The following SLC24A2 variants were observed in gnomAD, a reference collection of about 807,000 sequenced individuals.
SLC24A2 encodes solute carrier family 24 member 2.
A neutral mutation model predicts 62.0 loss-of-function variants in SLC24A2; 36 were observed. That is an observed-to-expected ratio of 0.58 (90% CI 0.44 to 0.77). SLC24A2 has a LOEUF of 0.77. Among genes scored for constraint, SLC24A2 ranks in the 30% least tolerant of loss-of-function variants. SLC24A2 has a pLI of 0.00. For missense variants in SLC24A2, 846 were observed against 817.9 expected, an observed-to-expected ratio of 1.03 and a Z score of -0.42; for synonymous variants, 358 against 294.0, an observed-to-expected ratio of 1.22 and a Z score of -2.23.
At chr9:20,020,915 A>G in the SLC24A2 span, among the ~76,000 whole-genome samples, 1 of 152,214 alleles carries the variant, frequency 6.6e-6, no homozygotes, top group Non-Finnish European at 1.5e-5. Flanking sequence ...GATATATGAA[A>G]GAGTTCCCAT....
At chr9:19,782,825 A>C (rs532787546) in intron 2 of SLC24A2, among the ~76,000 whole-genome samples, 3 of 152,144 alleles carry the variant, frequency 2.0e-5, no homozygotes, top group Admixed American at 6.5e-5. Context: ...CTCATTTTCC[A>C]ATTAGGAAAC....
At chr9:19,941,524 G>T in the SLC24A2 span, among the ~76,000 whole-genome samples, 11 of 149,644 alleles carry the variant, frequency 7.4e-5, no homozygotes, top group Non-Finnish European at 1.3e-4. Flanking sequence ...AAAGCCACCA[G>T]ATTTATTTAC....
At chr9:20,093,749 T>C in the SLC24A2 span, among the ~76,000 whole-genome samples, 1 of 152,194 alleles carries the variant, frequency 6.6e-6, no homozygotes, top group East Asian at 1.9e-4. Flanking sequence ...AGACCTAGTA[T>C]TGCTAGCACA....
the SLC24A2 span, among the ~76,000 whole-genome samples, chr9:20,272,263 T>A: frequency 6.6e-6 from 1 of 152,324 alleles, no homozygotes; most frequent in South Asian, 2.1e-4. Context: ...CTCAGTAGTA[T>A]AGCAAACATC....
rs1836781431 is a variant in SLC24A2, at chr9:19,599,183, A to G, written c.1079-1904T>C. ...ATCTCTTGCAGAATCAGGTATAAAT[A>G]AATACATTCATATTGTTTAATTATC... On this transcript the variant is annotated intron_variant, in intron 4 of 10. Transcript: ENST00000341998. This position sits in a 1 kb window ranked among gnomAD's most constrained non-coding sequence, Gnocchi z 4.5. Among the ~76,000 whole-genome samples the G allele has an allele frequency of 6.6e-6, 1 of 152,202 alleles. No individual in the cohort carries two copies. Among genetic ancestry groups the G allele is most frequent in the Admixed American group, 6.5e-5 (1 of 15,276 alleles).
intron 2 of SLC24A2, among the ~76,000 whole-genome samples, chr9:19,731,494 T>C (rs1277161787): frequency 1.5e-5 from 1 of 68,074 alleles, no homozygotes; most frequent in African/African-American, 5.4e-5. Flanking sequence ...TAAGAACACT[T>C]GTTTCTCTCT....
At chr9:19,777,905 A>G (rs186781668) in intron 2 of SLC24A2, among the ~76,000 whole-genome samples, 1 of 152,316 alleles carries the variant, frequency 6.6e-6, no homozygotes, top group Non-Finnish European at 1.5e-5. Context: ...TCTGATAAAT[A>G]TATTATTTAA....
intron 7 of SLC24A2, among the ~76,000 whole-genome samples, chr9:19,557,358 T>A (rs1160092790): frequency 2.0e-5 from 3 of 152,156 alleles, no homozygotes; most frequent in African/African-American, 7.2e-5. Context: ...GCAAACCTTC[T>A]TGGAAGGCCT....
intron 4 of SLC24A2, among the ~76,000 whole-genome samples, chr9:19,598,977 T>G (rs555958065): frequency 6.6e-6 from 1 of 152,216 alleles, no homozygotes; most frequent in Non-Finnish European, 1.5e-5. Context: ...AAACAGAATA[T>G]GAGTGGCTCT....
the SLC24A2 span, among the ~76,000 whole-genome samples, chr9:20,053,198 T>C: frequency 6.6e-6 from 1 of 152,130 alleles, no homozygotes; most frequent in East Asian, 1.9e-4. Flanking sequence ...TCCTTCGTTA[T>C]TCTAAATCCC....
the SLC24A2 span, among the ~76,000 whole-genome samples, chr9:20,285,993 C>A: frequency 1.3e-5 from 2 of 152,182 alleles, no homozygotes; most frequent in Non-Finnish European, 2.9e-5. Context: ...GTTTAAGACA[C>A]CCAGACTGTG....
the SLC24A2 span, among the ~76,000 whole-genome samples, chr9:20,303,272 A>G: frequency 6.6e-6 from 1 of 152,192 alleles, no homozygotes; most frequent in Non-Finnish European, 1.5e-5. Context: ...CAAAGGGTAC[A>G]TCCCTCCTCC....
chr9:19,785,798 A>G (rs1823146541), intron 2 of SLC24A2, 139 bp downstream of exon 2: 3 of 1,106,874 alleles, frequency 2.7e-6, no homozygotes, highest in Middle Eastern at 2.0e-4. Context: ...TAGTCTAGCT[A>G]TCACAGAACT....
the SLC24A2 span, among the ~76,000 whole-genome samples, chr9:19,963,284 A>C: frequency 6.7e-6 from 1 of 149,436 alleles, no homozygotes; most frequent in African/African-American, 2.5e-5. Context: ...AACCTAGGCA[A>C]TACCATTCAG....
At chr9:19,763,720 T>G (rs949369317) in intron 2 of SLC24A2, among the ~76,000 whole-genome samples, 3 of 152,174 alleles carry the variant, frequency 2.0e-5, no homozygotes, top group Non-Finnish European at 4.4e-5. Context: ...TTGCCAGCAT[T>G]TTATTGAGGA....
the SLC24A2 span, among the ~76,000 whole-genome samples, chr9:19,873,438 CCTTTCTTTCTCTTTCTTT>C: frequency 7.1e-6 from 1 of 140,894 alleles, no homozygotes; most frequent in African/African-American, 2.8e-5. Context: ...CTCTCTCCTT[CCTTTCTTTCTCTTTCTTT>C]CTTTCTTTTT....
intron 2 of SLC24A2, among the ~76,000 whole-genome samples, chr9:19,644,899 T>C (rs886716819): frequency 6.6e-6 from 1 of 152,218 alleles, no homozygotes; most frequent in African/African-American, 2.4e-5. Context: ...ATTTCTGAAA[T>C]CTAAAAGTGC....
At chr9:20,111,363 C>G in the SLC24A2 span, among the ~76,000 whole-genome samples, 1 of 152,172 alleles carries the variant, frequency 6.6e-6, no homozygotes, top group Non-Finnish European at 1.5e-5. Context: ...ACTGTTCTCT[C>G]TCCTTGCCTC....
the SLC24A2 span, among the ~76,000 whole-genome samples, chr9:20,050,240 CAAAAAAAA>C: frequency 1.7e-5 from 1 of 59,556 alleles, no homozygotes; most frequent in East Asian, 5.0e-4. Context: ...CCCGTCTCTA[CAAAAAAAA>C]AAAAAAAAAA....
Sources: gnomAD v4.1 joint callset for allele counts (sites outside exome capture counted in the v4.1 genomes callset) on GRCh38, gnomAD v4.1.1 for gene constraint, Gnocchi (gnomAD v3.1) non-coding constraint, MANE v1.5 for transcripts, NCBI Gene and HGNC (gene_info 2026-07-23, HGNC 2026-07-21) for gene names.